RBFOX1: variants seen among roughly 807,000 people sequenced by gnomAD.
RBFOX1 encodes the protein RNA binding protein fox-1 homolog 1.
In RBFOX1, 8 loss-of-function variants were observed where a neutral mutation model predicts 57.7. That is an observed-to-expected ratio of 0.14 (90% CI 0.08 to 0.25). RBFOX1 has a LOEUF of 0.25. Among genes scored for constraint, RBFOX1 ranks in the 10% least tolerant of loss-of-function variants. The pLI is 1.00. For synonymous variants in RBFOX1, 326 were observed against 222.4 expected, an observed-to-expected ratio of 1.47 and a Z score of -4.15; for missense variants, 611 against 548.5, an observed-to-expected ratio of 1.11 and a Z score of -1.14.
intron 13 of RBFOX1, among the ~76,000 whole-genome samples, chr16:7,667,417 C>G (rs550140696): frequency 1.3e-5 from 2 of 152,226 alleles, no homozygotes; most frequent in East Asian, 3.9e-4. Flanking sequence ...CTTGAATGTG[C>G]TTTTTAAAGC....
At chr16:6,481,681 G>A (rs2095373231) in intron 2 of RBFOX1, among the ~76,000 whole-genome samples, 1 of 152,128 alleles carries the variant, frequency 6.6e-6, no homozygotes, top group South Asian at 2.1e-4. Flanking sequence ...TGTGTCAGGG[G>A]ATCATACAAG....
intron 4 of RBFOX1, among the ~76,000 whole-genome samples, chr16:7,305,096 T>G (rs913730328): frequency 6.6e-6 from 1 of 151,550 alleles, no homozygotes; most frequent in African/African-American, 2.4e-5. Flanking sequence ...GGATGTTGTC[T>G]TTGTTGGCAT....
chr16:7,334,365 G>A (rs1478598976), intron 4 of RBFOX1, among the ~76,000 whole-genome samples: 3 of 152,122 alleles, frequency 2.0e-5, no homozygotes, highest in Non-Finnish European at 2.9e-5. Flanking sequence ...GTATGATAAG[G>A]TTGCCATTTC....
intron 4 of RBFOX1, among the ~76,000 whole-genome samples, chr16:7,413,593 C>G (rs980363548): frequency 2.6e-5 from 4 of 151,952 alleles, no homozygotes; most frequent in African/African-American, 9.7e-5. Context: ...TGCCACCCCC[C>G]TGCCCCCTGC....
chr16:7,310,194 C>T (rs1162664613), intron 4 of RBFOX1, among the ~76,000 whole-genome samples: 1 of 152,226 alleles, frequency 6.6e-6, no homozygotes, highest in Non-Finnish European at 1.5e-5. Flanking sequence ...CGCAGGCCGC[C>T]TCTGCTGGGA....
intron 4 of RBFOX1, among the ~76,000 whole-genome samples, chr16:5,874,760 G>A (rs1345049786): frequency 6.6e-6 from 1 of 152,100 alleles, no homozygotes; most frequent in Non-Finnish European, 1.5e-5. Flanking sequence ...CCAGGGCATT[G>A]TAGCAAGACC....
At chr16:7,434,451 G>A (rs1324477630) in intron 4 of RBFOX1, among the ~76,000 whole-genome samples, 2 of 151,732 alleles carry the variant, frequency 1.3e-5, no homozygotes, top group African/African-American at 2.4e-5. Flanking sequence ...CAGCCCGGGC[G>A]ACAGAGCAAG....
intron 1 of RBFOX1, among the ~76,000 whole-genome samples, chr16:5,438,373 A>G (rs1485671769): frequency 6.6e-6 from 1 of 152,214 alleles, no homozygotes; most frequent in Non-Finnish European, 1.5e-5. Context: ...TTTGTTGAGC[A>G]TCTGCTTTGT....
At chr16:5,844,618 G>C (rs1289408595) in intron 3 of RBFOX1, among the ~76,000 whole-genome samples, 1 of 152,130 alleles carries the variant, frequency 6.6e-6, no homozygotes, top group African/African-American at 2.4e-5. Context: ...AAAATAAGCA[G>C]TGTGTCACTT....
rs35676883 is a variant in RBFOX1 at position 5,919,949 on chromosome 16, AT to A, written c.351+52622del. Among the ~76,000 whole-genome samples, 554 of 151,482 alleles carry A rather than the reference AT, an allele frequency of 3.7e-3. 1 individual carries two copies. The highest frequency in any genetic ancestry group is 5.7e-3 in the Non-Finnish European group (389 of 67,764). On this transcript the variant is annotated intron_variant, in intron 4 of 19. Transcript: ENST00000641259. ...TATTGAAACATATATCAGTACTTCCATTTTTTTTAGACGGAGTCTCGCACTG... is the reference window on the plus strand; with the variant it reads ...TATTGAAACATATATCAGTACTTCCATTTTTTTAGACGGAGTCTCGCACTG...
At chr16:6,722,501 C>T (rs11642277) in intron 3 of RBFOX1, among the ~76,000 whole-genome samples, 2 of 139,922 alleles carry the variant, frequency 1.4e-5, no homozygotes, top group South Asian at 2.5e-4. Context: ...GAATATTTAC[C>T]ATGTAGATAA....
At chr16:5,776,607 G>T (rs763544279) in intron 3 of RBFOX1, among the ~76,000 whole-genome samples, 1 of 152,200 alleles carries the variant, frequency 6.6e-6, no homozygotes, top group Non-Finnish European at 1.5e-5. Context: ...AACGAATGTG[G>T]CATTGTCCAC....
chr16:7,202,919 C>T (rs2088972531), intron 4 of RBFOX1, among the ~76,000 whole-genome samples: 1 of 152,078 alleles, frequency 6.6e-6, no homozygotes, highest in Non-Finnish European at 1.5e-5. Context: ...GACCGAGTCT[C>T]ACTGTCACCC....
At chr16:6,219,159 C>A (rs1284402930) in intron 1 of RBFOX1, among the ~76,000 whole-genome samples, 1 of 152,098 alleles carries the variant, frequency 6.6e-6, no homozygotes, top group Non-Finnish European at 1.5e-5. Flanking sequence ...TAGCACCAGC[C>A]CTTGCTACTT....
At chr16:5,856,187 C>CTA (rs1200113050) in intron 3 of RBFOX1, among the ~76,000 whole-genome samples, 375 of 31,008 alleles carry the variant, frequency 0.012, 13 homozygotes, top group Middle Eastern at 0.025. Flanking sequence ...CTCTCTCTCT[C>CTA]TATATATATA....
rs552381361 is a variant in RBFOX1, at chr16:5,651,467, C to T, written c.318+52506C>T. On this transcript the variant is annotated intron_variant, in intron 3 of 19. Coordinates refer to the RBFOX1 transcript ENST00000641259. Reference sequence around the variant, plus strand: ...GGTAGACACACACAGAATCCTGCCCCAGGCCACCTTGCAGAACGGAGGGAC... The same window carrying T: ...GGTAGACACACACAGAATCCTGCCCTAGGCCACCTTGCAGAACGGAGGGAC... Among the ~76,000 whole-genome samples, 36 of 152,252 alleles carry T rather than the reference C, an allele frequency of 2.4e-4. 1 individual carries two copies. Among genetic ancestry groups the T allele is most frequent in the African/African-American group, 8.2e-4 (34 of 41,554 alleles).
chr16:7,662,015 C>T (rs1169714892), intron 12 of RBFOX1, among the ~76,000 whole-genome samples: 1 of 121,306 alleles, frequency 8.2e-6, no homozygotes, highest in Non-Finnish European at 1.9e-5. Flanking sequence ...TGGTGCATAA[C>T]AACTTGTCTT....
intron 8 of RBFOX1, 161 bp from the exon 9 acceptor site, chr16:7,597,210 T>G (rs1026166238): frequency 3.9e-6 from 2 of 510,214 alleles, no homozygotes; most frequent in Non-Finnish European, 6.9e-6. Context: ...ATTTTAAAAA[T>G]GTATGATTTT....
intron 5 of RBFOX1, among the ~76,000 whole-genome samples, chr16:7,552,161 A>G (rs933588815): frequency 6.6e-6 from 1 of 152,156 alleles, no homozygotes; most frequent in Non-Finnish European, 1.5e-5. Flanking sequence ...TTATCCAGTT[A>G]TCCTTCCTTC....
Sources: gnomAD v4.1 joint callset for allele counts (sites outside exome capture counted in the v4.1 genomes callset) on GRCh38, gnomAD v4.1.1 for gene constraint, MANE v1.5 for transcripts, NCBI Gene and HGNC (gene_info 2026-07-23, HGNC 2026-07-21) for gene names.